Variants in SNTG2 observed in about 807,000 individuals in gnomAD.
SNTG2 encodes gamma-2-syntrophin.
In SNTG2, 74 loss-of-function variants were observed where a neutral mutation model predicts 70.9. The observed-to-expected ratio is 1.04, with a 90% CI of 0.86 to 1.27. The LOEUF (loss-of-function observed/expected upper bound fraction) is 1.27, where lower values mean the gene tolerates loss of function less well. Among genes scored for constraint, SNTG2 ranks in the 50% most tolerant of loss-of-function variants. The pLI is 0.00. For missense variants in SNTG2, 717 were observed against 690.7 expected, an observed-to-expected ratio of 1.04 and a Z score of -0.43; for synonymous variants, 278 against 273.8, an observed-to-expected ratio of 1.02 and a Z score of -0.15.
chr2:996,673 GTTTTTTTTTTTTTTTTTTT>G, intron 1 of SNTG2, among the ~76,000 whole-genome samples: 2 of 35,114 alleles, frequency 5.7e-5, no homozygotes, highest in Admixed American at 3.8e-4. Flanking sequence ...GAGTTACCCA[GTTTTTTTTTTTTTTTTTTT>G]TTTTTTTTTT....
At chr2:1,018,630 A>T (rs1429980152) in intron 1 of SNTG2, among the ~76,000 whole-genome samples, 1 of 152,080 alleles carries the variant, frequency 6.6e-6, no homozygotes, top group African/African-American at 2.4e-5. Context: ...AGCTGTTTAG[A>T]CCCAGGGCGT....
intron 16 of SNTG2, among the ~76,000 whole-genome samples, chr2:1,349,692 C>A (rs557754248): frequency 6.6e-6 from 1 of 152,342 alleles, no homozygotes; most frequent in African/African-American, 2.4e-5. Context: ...AAGGCAGTTT[C>A]AGTCTCTCTT....
At chr2:1,083,279 T>C (rs1022277675) in intron 1 of SNTG2, among the ~76,000 whole-genome samples, 2 of 151,410 alleles carry the variant, frequency 1.3e-5, no homozygotes, top group African/African-American at 4.8e-5. Context: ...TGGCTAATTT[T>C]CTTTTAAAAA....
intron 7 of SNTG2, among the ~76,000 whole-genome samples, chr2:1,170,930 A>G (rs57714902): frequency 2.0e-5 from 3 of 151,938 alleles, no homozygotes; most frequent in Non-Finnish European, 4.4e-5. Flanking sequence ...CTGCCAAATT[A>G]TTTTCCACAG....
In SNTG2 at chr2:1,173,165, C is replaced by T. The variant is rs372258891; in HGVS notation, c.573C>T (p.Asn191=). The T allele has an allele frequency of 1.2e-4, 196 of 1,613,952 alleles. 1 individual carries two copies. Among genetic ancestry groups the T allele is most frequent in the African/African-American group, 1.2e-3 (88 of 75,038 alleles). Residue 191 remains asparagine, a synonymous_variant, in exon 8 of 17, where the codon AAC becomes AAT. Coordinates refer to ENST00000308624, the MANE Select transcript of SNTG2 (RefSeq NM_018968.4). ...SPLFDSGLHL[N]GNSSTTAPSS... ...TCTTTGACAGCGGTTTGCATCTGAA[C>T]GGAAACTCCAGTACCACAGTAAGCA...
At chr2:1,044,099 A>G (rs991497403) in intron 1 of SNTG2, among the ~76,000 whole-genome samples, 1 of 151,980 alleles carries the variant, frequency 6.6e-6, no homozygotes, top group African/African-American at 2.4e-5. Context: ...AGCATTTTGT[A>G]ATTCTTATTG....
intron 1 of SNTG2, among the ~76,000 whole-genome samples, chr2:959,760 G>A (rs139686821): frequency 4.5e-4 from 68 of 151,280 alleles, no homozygotes; most frequent in African/African-American, 1.5e-3. Flanking sequence ...CTTTGGGGAT[G>A]TGATTTGAAT....
At position 1,267,460 on chromosome 2, in the gene SNTG2, C is replaced by T. The variant is rs370848778; in HGVS notation, c.1173C>T (p.Ile391=). The change falls in exon 14 of 17, where the codon ATC becomes ATT. Residue 391 remains isoleucine, a synonymous_variant. Transcript: ENST00000308624. ...FEDQRPYCFS[I]VAGHGKSHVF... The stretch of plus-strand genomic sequence containing the variant: ...ACCAGAGGCCCTATTGCTTCAGCAT[C>T]GTGGCCGGCCATGGGAAGAGCCATG... 5.9e-5 allele frequency: 96 copies of T among 1,613,654 alleles called. No homozygotes were observed. The highest frequency in any genetic ancestry group is 7.9e-5 in the Non-Finnish European group (93 of 1,179,774).
intron 12 of SNTG2, among the ~76,000 whole-genome samples, chr2:1,255,994 C>T (rs1678098325): frequency 6.8e-6 from 1 of 147,686 alleles, no homozygotes; most frequent in Non-Finnish European, 1.5e-5. Context: ...CCACGCATTG[C>T]TTAAGGACAG....
chr2:955,952 CTTCCCT>C (rs1660126198), intron 1 of SNTG2, among the ~76,000 whole-genome samples: 1 of 150,738 alleles, frequency 6.6e-6, no homozygotes, highest in Non-Finnish European at 1.5e-5. Flanking sequence ...GCCTCAGAGC[CTTCCCT>C]GCCCCTGCCC....
At chr2:1,269,095 A>G (rs1678891261) in intron 14 of SNTG2, among the ~76,000 whole-genome samples, 1 of 152,200 alleles carries the variant, frequency 6.6e-6, no homozygotes, top group Admixed American at 6.5e-5. Context: ...ACCCAGATGT[A>G]GTGAAATGAA....
At chr2:1,246,387 C>T (rs1261001323) in intron 11 of SNTG2, among the ~76,000 whole-genome samples, 4 of 152,140 alleles carry the variant, frequency 2.6e-5, no homozygotes, top group Non-Finnish European at 4.4e-5. Context: ...AAACAGGATG[C>T]GCCCATCCTG....
intron 1 of SNTG2, among the ~76,000 whole-genome samples, chr2:1,012,433 T>G (rs532264394): frequency 6.6e-6 from 1 of 152,252 alleles, no homozygotes; most frequent in African/African-American, 2.4e-5. Context: ...GGGTGGGTAA[T>G]GAAACCTGCA....
In SNTG2 at chr2:1,173,132, C is replaced by T. The variant is rs368006432; in HGVS notation, c.540C>T (p.Ser180=). The part of the protein sequence containing the change: ...GPSSDHSSGA[S]SPLFDSGLHL... ...CCAGCGACCACAGCAGTGGGGCCTC[C>T]TCTCCCCTCTTTGACAGCGGTTTGC... Residue 180 remains serine, a synonymous_variant, in exon 8 of 17, where the codon TCC becomes TCT. Coordinates refer to ENST00000308624, the MANE Select transcript of SNTG2 (RefSeq NM_018968.4). The T allele has an allele frequency of 4.9e-5, 79 of 1,613,882 alleles. No homozygotes were observed. The highest frequency in any genetic ancestry group is 6.4e-5 in the Non-Finnish European group (76 of 1,179,898).
At chr2:1,191,716 A>G (rs762428213) in intron 8 of SNTG2, among the ~76,000 whole-genome samples, 38 of 152,106 alleles carry the variant, frequency 2.5e-4, no homozygotes, top group Non-Finnish European at 3.4e-4. Context: ...AATCACTGGA[A>G]CCCAGGAGGC....
At chr2:1,063,453 A>C (rs1662954620) in intron 1 of SNTG2, among the ~76,000 whole-genome samples, 1 of 152,204 alleles carries the variant, frequency 6.6e-6, no homozygotes, top group South Asian at 2.1e-4. Flanking sequence ...TCTCAGGCAC[A>C]GCTGGCTCTC....
At chr2:1,157,010 C>G (rs4246562) in intron 6 of SNTG2, among the ~76,000 whole-genome samples, 1 of 152,024 alleles carries the variant, frequency 6.6e-6, no homozygotes, top group Non-Finnish European at 1.5e-5. Flanking sequence ...GGAATGCAGA[C>G]AGGAAAAGTC....
chr2:1,170,907 A>G (rs1188249870), intron 7 of SNTG2, among the ~76,000 whole-genome samples: 2 of 152,064 alleles, frequency 1.3e-5, no homozygotes, highest in African/African-American at 2.4e-5. Flanking sequence ...TCTAGGCTCA[A>G]CTTTTTGAGT....
chr2:1,071,050 TG>T (rs1033542849), intron 1 of SNTG2, among the ~76,000 whole-genome samples: 4 of 152,240 alleles, frequency 2.6e-5, no homozygotes, highest in African/African-American at 9.6e-5. Context: ...GCAGTGGGAC[TG>T]GTGCAGAGGA....
Sources: gnomAD v4.1 joint callset for allele counts (sites outside exome capture counted in the v4.1 genomes callset) on GRCh38, gnomAD v4.1.1 for gene constraint, MANE v1.5 for transcripts, NCBI Gene and HGNC (gene_info 2026-07-23, HGNC 2026-07-21) for gene names.